BAIAP2L2: variants seen among roughly 807,000 people sequenced by gnomAD.
BAIAP2L2 encodes the protein BAR/IMD domain containing adaptor protein 2 like 2, also known as BAR/IMD domain-containing adapter protein 2-like 2.
In BAIAP2L2, 65 loss-of-function variants were observed where a neutral mutation model predicts 60.4. The observed-to-expected ratio is 1.08, with a 90% CI of 0.88 to 1.32. BAIAP2L2 has a LOEUF of 1.32. Among genes scored for constraint, BAIAP2L2 ranks in the 40% most tolerant of loss-of-function variants. BAIAP2L2 has a pLI of 0.00. For missense variants in BAIAP2L2, 836 were observed against 741.2 expected, an observed-to-expected ratio of 1.13 and a Z score of -1.48; for synonymous variants, 344 against 301.7, an observed-to-expected ratio of 1.14 and a Z score of -1.45.
At position 38,098,054 on chromosome 22, in the gene BAIAP2L2, C is replaced by T; in HGVS notation, c.465+9G>A. The T allele has an allele frequency of 6.9e-6, 9 of 1,298,584 alleles. No homozygotes were observed. Among genetic ancestry groups the T allele is most frequent in the Non-Finnish European group, 9.7e-6 (9 of 930,228 alleles). The allele number at this position is 1,298,584 out of a possible 1,614,324, so 80.4% of individuals were successfully genotyped here. ...TTCCTGGCCCACCCCCGCTTCCCGG[C>T]CCTCGCACCTTCATCTCCCGCACGT... On this transcript the variant is annotated intron_variant, in intron 6 of 13. Coordinates refer to ENST00000381669, the MANE Select transcript of BAIAP2L2 (RefSeq NM_025045.6).
chr22:38,087,632 C>T (rs112027821), intron 10 of BAIAP2L2, among the ~76,000 whole-genome samples: 82 of 152,074 alleles, frequency 5.4e-4, no homozygotes, highest in African/African-American at 1.8e-3. Context: ...CTATCGTTGG[C>T]GTTCTCAGTC....
At chr22:38,100,105 T>C (rs866993765) in intron 4 of BAIAP2L2, among the ~76,000 whole-genome samples, 5 of 152,092 alleles carry the variant, frequency 3.3e-5, no homozygotes, top group Admixed American at 2.0e-4. Context: ...GGCACGTAGG[T>C]TTCCAGAGTG....
At chr22:38,108,230 G>A (rs1442715924) in intron 3 of BAIAP2L2, 25 bp downstream of exon 3, 2 of 1,601,368 alleles carry the variant, frequency 1.2e-6, no homozygotes, top group Non-Finnish European at 1.7e-6. Context: ...CAAGAATGGG[G>A]TCTGCTGTGG....
intron 4 of BAIAP2L2, among the ~76,000 whole-genome samples, chr22:38,099,872 G>T (rs552814740): frequency 3.3e-5 from 5 of 152,184 alleles, no homozygotes; most frequent in Non-Finnish European, 5.9e-5. Context: ...GGGGCTAGGG[G>T]ATCGCCCAGA....
At position 38,088,810 on chromosome 22, in the gene BAIAP2L2, C is replaced by T. The variant is rs767321736; in HGVS notation, c.1056G>A (p.Val352=). Reference sequence around the variant, plus strand: ...TCTGGGCCTCGGGCACCAACACCTCCACCACGTCCCCAGCGGAGAAGCGCA... The same window carrying T: ...TCTGGGCCTCGGGCACCAACACCTCTACCACGTCCCCAGCGGAGAAGCGCA... ...TLLRFSAGDV[V]EVLVPEAQNG... The change falls in exon 10 of 14, where the codon GTG becomes GTA. Residue 352 remains valine, a synonymous_variant. Coordinates refer to ENST00000381669, the MANE Select transcript of BAIAP2L2 (RefSeq NM_025045.6). The T allele has an allele frequency of 1.6e-5, 26 of 1,601,286 alleles. 1 individual carries two copies. The South Asian group carries it at 2.6e-4, about 16-fold the overall frequency.
Position 38,097,089 on chromosome 22 carries a change from G to A in BAIAP2L2, c.555C>T (p.Arg185=). The change falls in exon 7 of 14, where the codon CGC becomes CGT. Residue 185 remains arginine, a synonymous_variant. Transcript: ENST00000381669. ...AAELEEKRRY[R]FLAEKHLLLS... is the part of the protein sequence containing the mutation. ...GTAGCAGGTGCTTCTCTGCTAGGAA[G>A]CGATAGCGCCGCTTCTCTTCCAATT... 1.2e-6 allele frequency: 2 copies of A among 1,614,150 alleles called. No individual in the cohort carries two copies.
chr22:38,090,995 G>A (rs132929), intron 7 of BAIAP2L2: 55,473 of 152,158 alleles, frequency 0.36, 10,935 homozygotes, highest in South Asian at 0.49. Flanking sequence ...GATAAAACCC[G>A]AAGGCCTTTG....
At chr22:38,108,451 C>G (rs898097608) in intron 2 of BAIAP2L2, 110 bp from the exon 3 acceptor site, 3 of 798,518 alleles carry the variant, frequency 3.8e-6, no homozygotes, top group East Asian at 2.7e-5. Flanking sequence ...GTGTGGGCAT[C>G]TGTGTGTGCC....
rs11913204 is a variant in BAIAP2L2 at position 38,107,960 on chromosome 22, C to T, written c.215-47G>A. 948 of 1,584,186 alleles carry T rather than the reference C, an allele frequency of 6.0e-4. 3 individuals carry two copies. The African/African-American group carries it at 0.011, about 19-fold the overall frequency. On this transcript the variant is annotated intron_variant, in intron 3 of 13. Transcript: ENST00000381669. ...TGGCTTTGGTGTGTGGCAGCCTGCC[C>T]CGCCCACCCACCACCCTCTTCCGCT...
chr22:38,094,108 T>C (rs1042810814), intron 7 of BAIAP2L2: 1 of 425,630 alleles, frequency 2.3e-6, no homozygotes, highest in African/African-American at 2.0e-5. Flanking sequence ...AATGGGCAAA[T>C]GTATTGAGAC....
rs1002244677 is a variant in BAIAP2L2, at chr22:38,089,548, G to C, written c.739C>G (p.Arg247Gly). 1 of 1,224,662 alleles carries C rather than the reference G, an allele frequency of 8.2e-7. No individual in the cohort carries two copies. The highest frequency in any genetic ancestry group is 1.6e-5 in the African/African-American group (1 of 63,806). 75.9% of individuals were successfully genotyped at this position (1,224,662 alleles called of 1,614,324 possible). A position where few individuals can be genotyped will look rare whatever the true frequency, so the allele number is the denominator to read the frequency against. The change falls in exon 8 of 14, where the codon CGC (arginine) becomes GGC (glycine). Residue 247 changes from arginine (R) to glycine (G), a missense_variant. Arg to Gly is a moderately radical substitution (Grantham distance 125). Coordinates refer to ENST00000381669, the MANE Select transcript of BAIAP2L2 (RefSeq NM_025045.6). ...PALGPPYPSG[R>G]LTPTCLDMPP... ...ATGTCCAGGCAGGTGGGCGTCAGGC[G>C]GCCCGAGGGGTAGGGCGGCCCCAGC...
chr22:38,105,343 T>TC (rs1555968998), intron 4 of BAIAP2L2, among the ~76,000 whole-genome samples: 1 of 134,968 alleles, frequency 7.4e-6, no homozygotes, highest in African/African-American at 2.7e-5. Flanking sequence ...TCTTTTCTTT[T>TC]TTTTTTTTTT....
chr22:38,105,396 G>A (rs1221874411), intron 4 of BAIAP2L2, among the ~76,000 whole-genome samples: 1 of 138,112 alleles, frequency 7.2e-6, no homozygotes, highest in Non-Finnish European at 1.5e-5. Flanking sequence ...CTGGAGTGCT[G>A]TGGTGCGATC....
chr22:38,109,550 G>A (rs2086749231), intron 1 of BAIAP2L2, among the ~76,000 whole-genome samples: 1 of 152,168 alleles, frequency 6.6e-6, no homozygotes, highest in Non-Finnish European at 1.5e-5. Flanking sequence ...CGCCTGCTGT[G>A]GTCCCCACTG....
chr22:38,110,891 C>G (rs1464506287), upstream of BAIAP2L2, among the ~76,000 whole-genome samples: 2 of 152,168 alleles, frequency 1.3e-5, no homozygotes, highest in Non-Finnish European at 2.9e-5. Context: ...CTGGGGGGCC[C>G]CGCCCTCCCA....
Position 38,085,689 on chromosome 22 carries a change from G to C in BAIAP2L2, c.1511C>G (p.Pro504Arg), listed in dbSNP as rs1329381327. 1.2e-6 allele frequency: 2 copies of C among 1,613,072 alleles called. No homozygotes were observed. Among genetic ancestry groups the C allele is most frequent in the Non-Finnish European group, 1.7e-6 (2 of 1,179,730 alleles). ...GGGCCCCCATGTGAGGACTCACCTCGGGAAGAGCTCCTGTGGTGGGTACTG... is the reference window on the plus strand; with the variant it reads ...GGGCCCCCATGTGAGGACTCACCTCCGGAAGAGCTCCTGTGGTGGGTACTG... ...SEQYPPQELFPRGTNPFATVK... is the reference protein window; with the variant it reads ...SEQYPPQELFRRGTNPFATVK... The change falls in exon 13 of 14, where the codon CCG (proline) becomes CGG (arginine). Residue 504 changes from proline to arginine, a missense_variant. By Grantham distance (103) the Pro-to-Arg change is moderately radical. Transcript: ENST00000381669.
chr22:38,109,840 T>C (rs2086765007), intron 1 of BAIAP2L2, among the ~76,000 whole-genome samples: 1 of 151,880 alleles, frequency 6.6e-6, no homozygotes. Flanking sequence ...TTGAATGAGC[T>C]GTTTAACCTC....
chr22:38,098,180 C>G lies in BAIAP2L2; in HGVS notation c.349-1G>C, dbSNP rs762630015. 6.2e-7 allele frequency: 1 copy of G among 1,614,044 alleles called. No homozygotes were observed. On this transcript the variant is annotated splice_acceptor_variant, in intron 5 of 13. Transcript: ENST00000381669. LOFTEE classifies it high-confidence loss of function. Reference sequence around the variant, plus strand: ...CGAGCTCATAGTGCTGGCGGCTGTCCTGGGGTAGGGTGGAGTCGGGGAGGG... The same window carrying G: ...CGAGCTCATAGTGCTGGCGGCTGTCGTGGGGTAGGGTGGAGTCGGGGAGGG...
intron 13 of BAIAP2L2, 24 bp from the exon 14 acceptor site, chr22:38,085,399 G>A (rs746069374): frequency 1.2e-6 from 2 of 1,606,976 alleles, no homozygotes; most frequent in South Asian, 1.1e-5. Flanking sequence ...GAGAGAATGG[G>A]GTGAGAAGGG....
Sources: allele counts gnomAD v4.1 joint callset (sites outside exome capture counted in the v4.1 genomes callset), GRCh38; gene constraint gnomAD v4.1.1; transcripts MANE v1.5; gene names NCBI Gene and HGNC (gene_info 2026-07-23, HGNC 2026-07-21).